The following GRIA4 variants were observed in gnomAD, a reference collection of about 807,000 sequenced individuals.
GRIA4 encodes glutamate receptor 4.
Under a neutral mutation model 104.0 loss-of-function variants are expected in GRIA4, and 34 were observed. The ratio of observed to expected loss-of-function variants is 0.33; its 90% CI spans 0.25 to 0.44. The LOEUF (loss-of-function observed/expected upper bound fraction) is 0.44. Ranked by LOEUF, GRIA4 falls within the 20% of genes least tolerant of loss-of-function variation. The probability of loss-of-function intolerance (pLI) is 1.00; values close to 1 mark genes in which losing one functional copy is unlikely to be tolerated. For missense variants in GRIA4, 750 were observed against 1,096.5 expected (o/e 0.68, Z 4.46); for synonymous variants, 386 against 381.9 (o/e 1.01, Z -0.13).
intron 5 of GRIA4, among the ~76,000 whole-genome samples, chr11:105,870,649 C>G (rs985750728): frequency 6.6e-6 from 1 of 151,706 alleles, no homozygotes; most frequent in Non-Finnish European, 1.5e-5. Context: ...TGTGTGAGAA[C>G]AGGGTAATAG....
chr11:105,634,685 T>A (rs930122285), intron 3 of GRIA4, among the ~76,000 whole-genome samples: 1 of 152,182 alleles, frequency 6.6e-6, no homozygotes, highest in Non-Finnish European at 1.5e-5. Flanking sequence ...ACAAATTATA[T>A]GATTTTTACC....
intron 4 of GRIA4, among the ~76,000 whole-genome samples, chr11:105,782,574 G>A (rs188347142): frequency 6.6e-6 from 1 of 152,204 alleles, no homozygotes. Flanking sequence ...TTCACATTAG[G>A]CTCCACGGAA....
intron 12 of GRIA4, 129 bp from the exon 13 acceptor site, chr11:105,926,612 A>G: frequency 1.5e-6 from 1 of 648,242 alleles, no homozygotes; most frequent in South Asian, 1.9e-5. Flanking sequence ...TCTTGAGCAG[A>G]CTCTCAGAAA....
chr11:105,710,958 T>C (rs954183559), intron 3 of GRIA4, among the ~76,000 whole-genome samples: 5 of 151,592 alleles, frequency 3.3e-5, no homozygotes. Flanking sequence ...AGCAATAAAA[T>C]CTCAGAATTA....
intron 3 of GRIA4, among the ~76,000 whole-genome samples, chr11:105,623,053 G>GTATATA (rs58596312): frequency 0.011 from 1,352 of 127,336 alleles, 11 homozygotes; most frequent in African/African-American, 0.017. Context: ...GTATTCCATT[G>GTATATA]TATATATATA....
chr11:105,692,644 T>A (rs1953130355), intron 3 of GRIA4, among the ~76,000 whole-genome samples: 1 of 152,224 alleles, frequency 6.6e-6, no homozygotes. Flanking sequence ...TAACTCATTA[T>A]TTCAACTTTA....
At chr11:105,820,712 G>A (rs1394807789) in intron 4 of GRIA4, among the ~76,000 whole-genome samples, 1 of 151,668 alleles carries the variant, frequency 6.6e-6, no homozygotes, top group Non-Finnish European at 1.5e-5. Flanking sequence ...TTGTTTGTAG[G>A]TGATTCATAG....
intron 14 of GRIA4, among the ~76,000 whole-genome samples, chr11:105,967,773 C>T (rs944664156): frequency 6.6e-6 from 1 of 150,868 alleles, no homozygotes; most frequent in Non-Finnish European, 1.5e-5. Flanking sequence ...TTGTTGCACT[C>T]TAAATGTTAA....
At chr11:105,945,136 T>A (rs1479086418) in intron 14 of GRIA4, among the ~76,000 whole-genome samples, 1 of 152,044 alleles carries the variant, frequency 6.6e-6, no homozygotes, top group African/African-American at 2.4e-5. Flanking sequence ...GAACTCCAGG[T>A]GCCCACCATG....
intron 4 of GRIA4, among the ~76,000 whole-genome samples, chr11:105,837,003 T>C: frequency 6.6e-6 from 1 of 152,122 alleles, no homozygotes; most frequent in Middle Eastern, 3.2e-3. Context: ...CTCACAGCTC[T>C]GCATGGCTGG....
chr11:105,904,076 T>C, intron 8 of GRIA4, 95 bp downstream of exon 8: 1 of 804,564 alleles, frequency 1.2e-6, no homozygotes, highest in Non-Finnish European at 2.0e-6. Flanking sequence ...CACAAATACA[T>C]ATTACAATTG....
At chr11:105,756,100 T>C (rs1940295256) in intron 4 of GRIA4, among the ~76,000 whole-genome samples, 1 of 152,174 alleles carries the variant, frequency 6.6e-6, no homozygotes, top group Non-Finnish European at 1.5e-5. Context: ...TCTGTTTCTC[T>C]GGAGACTAAT....
intron 3 of GRIA4, among the ~76,000 whole-genome samples, chr11:105,717,305 G>T (rs1288422457): frequency 2.0e-5 from 3 of 151,668 alleles, no homozygotes; most frequent in South Asian, 2.1e-4. Context: ...TACCATATTT[G>T]CCCTAAAAGC....
intron 4 of GRIA4, among the ~76,000 whole-genome samples, chr11:105,860,592 A>G (rs564330503): frequency 1.3e-5 from 2 of 152,286 alleles, no homozygotes; most frequent in African/African-American, 4.8e-5. Flanking sequence ...TCTGATCCTA[A>G]CCAATCTTAG....
chr11:105,844,891 G>A (rs1944528225), intron 4 of GRIA4, among the ~76,000 whole-genome samples: 1 of 152,162 alleles, frequency 6.6e-6, no homozygotes, highest in Non-Finnish European at 1.5e-5. Flanking sequence ...GTTTATAGAA[G>A]ACAGTAAACA....
chr11:105,914,024 TATA>T (rs771399817), intron 10 of GRIA4, among the ~76,000 whole-genome samples: 10 of 151,876 alleles, frequency 6.6e-5, no homozygotes, highest in East Asian at 1.9e-4. Context: ...ATATGTGCAT[TATA>T]ATAACATACA....
At chr11:105,794,774 G>GA (rs1238599158) in intron 4 of GRIA4, among the ~76,000 whole-genome samples, 2 of 150,286 alleles carry the variant, frequency 1.3e-5, no homozygotes, top group South Asian at 2.1e-4. Flanking sequence ...TTCTAGATAG[G>GA]AAAAAAAATT....
At chr11:105,804,418 G>C (rs974054705) in intron 4 of GRIA4, among the ~76,000 whole-genome samples, 3 of 151,088 alleles carry the variant, frequency 2.0e-5, no homozygotes, top group East Asian at 3.9e-4. Context: ...TGACACATAT[G>C]ACACATCTCC....
intron 3 of GRIA4, among the ~76,000 whole-genome samples, chr11:105,721,530 T>G (rs937623815): frequency 1.3e-5 from 2 of 152,196 alleles, no homozygotes; most frequent in African/African-American, 4.8e-5. Context: ...AAGGATATTC[T>G]ATAATTGGAT....
Sources: allele counts gnomAD v4.1 joint callset (sites outside exome capture counted in the v4.1 genomes callset), GRCh38; gene constraint gnomAD v4.1.1; transcripts MANE v1.5; gene names NCBI Gene and HGNC (gene_info 2026-07-23, HGNC 2026-07-21).